Variants in PLXNA4 observed in about 807,000 individuals in gnomAD.
PLXNA4 encodes plexin-A4.
PLXNA4 carries 44 observed loss-of-function variants against 191.8 expected under a neutral mutation model. The observed-to-expected ratio is 0.23, with a 90% CI of 0.18 to 0.29. The LOEUF (loss-of-function observed/expected upper bound fraction) is 0.29, where lower values mean the gene tolerates loss of function less well. PLXNA4 is among the 10% of genes least tolerant of loss of function. The probability of loss-of-function intolerance (pLI) is 1.00; values close to 1 mark genes in which losing one functional copy is unlikely to be tolerated. For missense variants in PLXNA4, 1,800 were observed against 2,488.8 expected (o/e 0.72, Z 5.89); for synonymous variants, 1,082 against 1,009.5 (o/e 1.07, Z -1.36).
Position 132,526,878 on chromosome 7 carries a change from T to C in PLXNA4, c.-86-18099A>G, listed in dbSNP as rs1372878145. On this transcript the variant is annotated intron_variant, in intron 1 of 31. Transcript: ENST00000321063. Reference sequence around the variant, plus strand: ...TAAGGGGTCTTGAGGGTCTGGCTAGTGGTCAAAGACAGACCCTGCCCCACG... The same window carrying C: ...TAAGGGGTCTTGAGGGTCTGGCTAGCGGTCAAAGACAGACCCTGCCCCACG... Among the ~76,000 whole-genome samples, 5 of 152,190 alleles carry C rather than the reference T, an allele frequency of 3.3e-5. No individual in the cohort carries two copies. In the South Asian group the frequency reaches 8.3e-4, roughly 25 times the overall value.
intron 19 of PLXNA4, 143 bp from the exon 20 acceptor site, chr7:132,180,064 TG>T (rs997821668): frequency 2.9e-6 from 4 of 1,390,930 alleles, no homozygotes; most frequent in African/African-American, 1.4e-5. Context: ...CAAGAGGGCA[TG>T]GGGGGCTGGG....
At chr7:132,191,792 C>CTCTCTCTCTCTCTT (rs1243619291) in intron 14 of PLXNA4, among the ~76,000 whole-genome samples, 3 of 151,404 alleles carry the variant, frequency 2.0e-5, no homozygotes, top group Admixed American at 6.6e-5. Context: ...CTCTCTCTCT[C>CTCTCTCTCTCTCTT]TCTGTCTCTA....
At chr7:132,382,916 T>C (rs1396691206) in intron 3 of PLXNA4, among the ~76,000 whole-genome samples, 2 of 152,230 alleles carry the variant, frequency 1.3e-5, no homozygotes, top group Non-Finnish European at 2.9e-5. Flanking sequence ...TGTAGTTATA[T>C]ATTATGTTCA....
chr7:132,365,615 G>A (rs1804146976), intron 3 of PLXNA4, among the ~76,000 whole-genome samples: 1 of 152,124 alleles, frequency 6.6e-6, no homozygotes, highest in Non-Finnish European at 1.5e-5. Flanking sequence ...TTTTACATGA[G>A]GCAGAGGGGA....
At chr7:132,162,212 G>A (rs1795972626) in intron 24 of PLXNA4, among the ~76,000 whole-genome samples, 1 of 152,212 alleles carries the variant, frequency 6.6e-6, no homozygotes, top group South Asian at 2.1e-4. Flanking sequence ...CCCTGAGGGG[G>A]CTGCTCCCCT....
At chr7:132,509,381 C>G (rs1275597458) in intron 1 of PLXNA4, among the ~76,000 whole-genome samples, 1 of 152,176 alleles carries the variant, frequency 6.6e-6, no homozygotes, top group Non-Finnish European at 1.5e-5. Context: ...CTTAAAGAGC[C>G]ACACTTTTAT....
chr7:132,179,889 C>A lies in PLXNA4; in HGVS notation c.3672G>T (p.Gly1224=), dbSNP rs528979034. 3.1e-6 allele frequency: 5 copies of A among 1,611,600 alleles called. No homozygotes were observed. Among genetic ancestry groups the A allele is most frequent in the African/African-American group, 2.7e-5 (2 of 75,012 alleles). Residue 1224 remains glycine (G), a synonymous_variant, in exon 20 of 32, where the codon GGG becomes GGT. Transcript: ENST00000321063. ...ARVGGMEYSP[G]MVYIAPDSPL... is the part of the protein sequence containing the mutation. ...GGCTGTCCGGGGCAATGTACACCAT[C>A]CCCGGGGAGTACTCCATGCCACCGA...
At chr7:132,360,378 T>G (rs1803885917) in intron 3 of PLXNA4, among the ~76,000 whole-genome samples, 1 of 152,142 alleles carries the variant, frequency 6.6e-6, no homozygotes, top group Admixed American at 6.5e-5. Flanking sequence ...TGTCAATTAT[T>G]CATCCCCGCC....
intron 2 of PLXNA4, among the ~76,000 whole-genome samples, chr7:132,492,166 G>A (rs1797836286): frequency 6.6e-6 from 1 of 152,170 alleles, no homozygotes; most frequent in African/African-American, 2.4e-5. Context: ...CACAGGGTGG[G>A]GACACTGAGG....
At chr7:132,609,160 G>C (rs1162855989) in intron 2 of PLXNA4, among the ~76,000 whole-genome samples, 2 of 152,108 alleles carry the variant, frequency 1.3e-5, no homozygotes, top group Non-Finnish European at 2.9e-5. Flanking sequence ...TACACGTTTT[G>C]TCATAATTAC....
intron 3 of PLXNA4, among the ~76,000 whole-genome samples, chr7:132,415,374 G>T (rs62466430): frequency 0.044 from 6,706 of 152,308 alleles, 201 homozygotes; most frequent in Non-Finnish European, 0.066. Flanking sequence ...ATGTATGTGT[G>T]TGCGAGACCA....
chr7:132,473,341 C>G (rs1006495409), intron 3 of PLXNA4, among the ~76,000 whole-genome samples: 5 of 152,116 alleles, frequency 3.3e-5, no homozygotes, highest in Non-Finnish European at 5.9e-5. Flanking sequence ...CCCTCCTGTT[C>G]CTGGAGCAAA....
At chr7:132,314,291 A>C (rs1801859235) in intron 3 of PLXNA4, among the ~76,000 whole-genome samples, 1 of 152,330 alleles carries the variant, frequency 6.6e-6, no homozygotes, top group East Asian at 1.9e-4. Flanking sequence ...TCAAATTAAA[A>C]ATCCAGAAAT....
At chr7:132,136,615 G>C (rs281876) in intron 30 of PLXNA4, among the ~76,000 whole-genome samples, 9,393 of 152,182 alleles carry the variant, frequency 0.062, 970 homozygotes, top group African/African-American at 0.21. Context: ...CAGTCTGCAG[G>C]GTCCTAGTCT....
rs1183180953 is a variant in PLXNA4, at chr7:132,508,740, C to T, written c.-47G>A. On this transcript the variant is annotated 5_prime_UTR_variant, in exon 2 of 32. Transcript: ENST00000321063. The surrounding 1 kb of genome is among the most constrained non-coding windows in gnomAD (Gnocchi z 4.4). ...CACAGCAGCACTCAGGCACAGTCGT[C>T]CCCTCAGAGGGCCAGGACTCAGCAA... 3 of 1,463,728 alleles carry T rather than the reference C, an allele frequency of 2.0e-6. No individual in the cohort carries two copies. 90.7% of individuals were successfully genotyped at this position (1,463,728 alleles called of 1,614,324 possible). A position where few individuals can be genotyped will look rare whatever the true frequency, so the allele number is the denominator to read the frequency against.
intron 9 of PLXNA4, among the ~76,000 whole-genome samples, chr7:132,213,633 T>C (rs1173171149): frequency 6.6e-6 from 1 of 152,188 alleles, no homozygotes; most frequent in African/African-American, 2.4e-5. Flanking sequence ...GTGAAAATGA[T>C]GGAGCTCAGA....
chr7:132,148,146 G>A, intron 26 of PLXNA4, 147 bp from the exon 27 acceptor site: 1 of 1,248,320 alleles, frequency 8.0e-7, no homozygotes, highest in South Asian at 1.4e-5. Flanking sequence ...GCTTTCCTTG[G>A]AGCAGAACAA....
chr7:132,448,678 C>A (rs1007953701), intron 3 of PLXNA4, among the ~76,000 whole-genome samples: 11 of 152,194 alleles, frequency 7.2e-5, no homozygotes, highest in Admixed American at 7.2e-4. Flanking sequence ...CTAAGGAAAG[C>A]AGTTATTGTT....
chr7:132,319,984 C>G (rs1802100266), intron 3 of PLXNA4, among the ~76,000 whole-genome samples: 1 of 152,218 alleles, frequency 6.6e-6, no homozygotes, highest in African/African-American at 2.4e-5. Flanking sequence ...TTGGACTGCC[C>G]TGGTGAACAT....
Sources: allele counts gnomAD v4.1 joint callset (sites outside exome capture counted in the v4.1 genomes callset), GRCh38; gene constraint gnomAD v4.1.1; non-coding constraint Gnocchi (gnomAD v3.1); transcripts MANE v1.5; gene names NCBI Gene and HGNC (gene_info 2026-07-23, HGNC 2026-07-21).